Variants in SLC24A2 observed in about 807,000 individuals in gnomAD.
The protein encoded by SLC24A2 is sodium/potassium/calcium exchanger 2.
In SLC24A2, 36 loss-of-function variants were observed where a neutral mutation model predicts 62.0. That is an observed-to-expected ratio of 0.58 (90% CI 0.44 to 0.77). The LOEUF (loss-of-function observed/expected upper bound fraction) is 0.77. Ranked by LOEUF, SLC24A2 falls within the 30% of genes least tolerant of loss-of-function variation. The pLI is 0.00. For synonymous variants in SLC24A2, 358 were observed against 294.0 expected, an observed-to-expected ratio of 1.22 and a Z score of -2.23; for missense variants, 846 against 817.9, an observed-to-expected ratio of 1.03 and a Z score of -0.42.
chr9:20,271,098 T>C, the SLC24A2 span, among the ~76,000 whole-genome samples: 2 of 152,234 alleles, frequency 1.3e-5, no homozygotes, highest in Admixed American at 6.5e-5. Flanking sequence ...TTTAAGGTTA[T>C]TGTCTCCAAG....
chr9:20,256,231 A>G, the SLC24A2 span, among the ~76,000 whole-genome samples: 1 of 152,302 alleles, frequency 6.6e-6, no homozygotes, highest in Non-Finnish European at 1.5e-5. Context: ...CGTTTAAACC[A>G]TAGTATTTGC....
At chr9:19,554,348 T>C (rs1418689414) in intron 7 of SLC24A2, among the ~76,000 whole-genome samples, 1 of 152,184 alleles carries the variant, frequency 6.6e-6, no homozygotes, top group Admixed American at 6.5e-5. Flanking sequence ...TTACATAGCA[T>C]TTACATTGCA....
the SLC24A2 span, among the ~76,000 whole-genome samples, chr9:19,853,168 G>A: frequency 1.3e-5 from 2 of 152,022 alleles, no homozygotes; most frequent in South Asian, 4.1e-4. Context: ...TTATATCTGA[G>A]AACTTGCTGA....
chr9:19,963,130 T>G, the SLC24A2 span, among the ~76,000 whole-genome samples: 1 of 150,548 alleles, frequency 6.6e-6, no homozygotes, highest in African/African-American at 2.4e-5. Flanking sequence ...GGATTCCCTA[T>G]TTAATAAATG....
intron 2 of SLC24A2, among the ~76,000 whole-genome samples, chr9:19,728,860 C>CT (rs1446279084): frequency 1.3e-5 from 2 of 152,040 alleles, no homozygotes; most frequent in African/African-American, 4.8e-5. Flanking sequence ...TGCATTGAGG[C>CT]TGAGACTAAA....
At chr9:19,838,882 T>C in the SLC24A2 span, among the ~76,000 whole-genome samples, 1 of 151,590 alleles carries the variant, frequency 6.6e-6, no homozygotes, top group Admixed American at 6.6e-5. Flanking sequence ...AAGCCGAAAT[T>C]GACAAATGAG....
chr9:19,856,489 ATGT>A, the SLC24A2 span, among the ~76,000 whole-genome samples: 1 of 150,872 alleles, frequency 6.6e-6, no homozygotes, highest in African/African-American at 2.4e-5. Context: ...TTTTTTGTTT[ATGT>A]TGTTGTTGTT....
chr9:19,898,610 C>T, the SLC24A2 span, among the ~76,000 whole-genome samples: 252 of 151,934 alleles, frequency 1.7e-3, 1 homozygote, highest in African/African-American at 5.8e-3. Flanking sequence ...GGCGTGGTGG[C>T]GGGCACCTGT....
the SLC24A2 span, among the ~76,000 whole-genome samples, chr9:19,840,147 G>C: frequency 6.6e-6 from 1 of 152,130 alleles, no homozygotes. Flanking sequence ...GTGACTCAAA[G>C]ACTCTGCATA....
At chr9:19,650,974 G>C (rs78278241) in intron 2 of SLC24A2, among the ~76,000 whole-genome samples, 2,724 of 152,028 alleles carry the variant, frequency 0.018, 74 homozygotes, top group African/African-American at 0.06. Context: ...ATAGTTAAGT[G>C]GTCAACTTGT....
the SLC24A2 span, among the ~76,000 whole-genome samples, chr9:19,904,057 C>A: frequency 2.0e-5 from 3 of 152,156 alleles, no homozygotes; most frequent in Admixed American, 2.0e-4. Context: ...GGTCAGCAGC[C>A]TAGAAGCTAA....
At chr9:19,882,889 A>G in the SLC24A2 span, among the ~76,000 whole-genome samples, 2 of 152,194 alleles carry the variant, frequency 1.3e-5, no homozygotes, top group Non-Finnish European at 2.9e-5. Context: ...CAGCCGATGC[A>G]GGATTCCTTT....
the SLC24A2 span, among the ~76,000 whole-genome samples, chr9:19,830,973 G>C: frequency 6.6e-6 from 1 of 152,162 alleles, no homozygotes; most frequent in East Asian, 1.9e-4. Flanking sequence ...TTCCAAGAGG[G>C]TGCAGTGTTG....
At chr9:19,773,969 A>G (rs574176824) in intron 2 of SLC24A2, among the ~76,000 whole-genome samples, 3 of 152,316 alleles carry the variant, frequency 2.0e-5, no homozygotes, top group Admixed American at 2.0e-4. Context: ...AACACTGAGG[A>G]TTTGACTGTT....
At chr9:19,770,983 C>G (rs1373658029) in intron 2 of SLC24A2, among the ~76,000 whole-genome samples, 2 of 152,168 alleles carry the variant, frequency 1.3e-5, no homozygotes, top group Non-Finnish European at 2.9e-5. Context: ...CTGTGATCCA[C>G]ATTTGCAAGA....
chr9:19,906,459 G>T, the SLC24A2 span, among the ~76,000 whole-genome samples: 1 of 151,538 alleles, frequency 6.6e-6, no homozygotes, highest in East Asian at 1.9e-4. Context: ...CTAGCAGAAG[G>T]CAAGAAATAA....
At chr9:19,591,185 C>T (rs1381313226) in intron 5 of SLC24A2, among the ~76,000 whole-genome samples, 1 of 152,194 alleles carries the variant, frequency 6.6e-6, no homozygotes, top group African/African-American at 2.4e-5. Context: ...TTTACATCTA[C>T]AGCTCTGCCT....
At chr9:19,939,880 T>G in the SLC24A2 span, among the ~76,000 whole-genome samples, 2 of 152,344 alleles carry the variant, frequency 1.3e-5, no homozygotes, top group South Asian at 4.1e-4. Flanking sequence ...GCCAAATCCC[T>G]TCTCCAGAAA....
At chr9:19,707,407 T>A (rs369946464) in intron 2 of SLC24A2, among the ~76,000 whole-genome samples, 1 of 151,338 alleles carries the variant, frequency 6.6e-6, no homozygotes, top group Non-Finnish European at 1.5e-5. Context: ...CTCATTTTAT[T>A]AGGCCAGCAT....
Sources: allele counts gnomAD v4.1 joint callset (sites outside exome capture counted in the v4.1 genomes callset), GRCh38; gene constraint gnomAD v4.1.1; transcripts MANE v1.5; gene names NCBI Gene and HGNC (gene_info 2026-07-23, HGNC 2026-07-21).